The following ITPR1 variants were observed in gnomAD, a reference collection of about 807,000 sequenced individuals.
The protein encoded by ITPR1 is inositol 1,4,5-trisphosphate-gated calcium channel ITPR1.
Under a neutral mutation model 318.4 loss-of-function variants are expected in ITPR1, and 96 were observed. The observed-to-expected ratio is 0.30, with a 90% CI of 0.26 to 0.36. The LOEUF is 0.36. Among genes scored for constraint, ITPR1 ranks in the 10% least tolerant of loss-of-function variants. ITPR1 has a pLI of 1.00. For missense variants in ITPR1, 2,440 were observed against 3,460.2 expected, an observed-to-expected ratio of 0.71 and a Z score of 7.40; for synonymous variants, 1,312 against 1,289.9, an observed-to-expected ratio of 1.02 and a Z score of -0.37.
At chr3:4,770,970 C>T (rs1304587401) in intron 46 of ITPR1, among the ~76,000 whole-genome samples, 1 of 152,154 alleles carries the variant, frequency 6.6e-6, no homozygotes, top group Non-Finnish European at 1.5e-5. Flanking sequence ...CTGAGCTTGG[C>T]ATCTCTGTGG....
At chr3:4,641,601 C>T (rs921349799) in intron 6 of ITPR1, among the ~76,000 whole-genome samples, 1 of 152,164 alleles carries the variant, frequency 6.6e-6, no homozygotes, top group African/African-American at 2.4e-5. Flanking sequence ...GTCTCAAACT[C>T]CTGGGCTCAA....
chr3:4,702,797 G>T (rs989465236), intron 35 of ITPR1, 33 bp from the exon 36 acceptor site: 1 of 1,607,018 alleles, frequency 6.2e-7, no homozygotes, highest in African/African-American at 1.3e-5. Context: ...ATAAAAATCT[G>T]TTTTTCACGT....
At chr3:4,745,754 C>G (rs2044059148) in intron 44 of ITPR1, among the ~76,000 whole-genome samples, 1 of 152,204 alleles carries the variant, frequency 6.6e-6, no homozygotes. Context: ...GCTCAAATCC[C>G]TGATGGGCAT....
chr3:4,657,003 T>C (rs1451550339), intron 12 of ITPR1, among the ~76,000 whole-genome samples: 6 of 152,204 alleles, frequency 3.9e-5, no homozygotes, highest in Non-Finnish European at 8.8e-5. Flanking sequence ...TATGCTTTTT[T>C]AGTTTCTCAG....
At chr3:4,622,675 A>C (rs1246574085) in intron 4 of ITPR1, among the ~76,000 whole-genome samples, 1 of 152,174 alleles carries the variant, frequency 6.6e-6, no homozygotes, top group Non-Finnish European at 1.5e-5. Context: ...GGCCTCCCAA[A>C]GTCCTGGGCT....
chr3:4,801,434 T>C (rs1487644615), intron 54 of ITPR1, among the ~76,000 whole-genome samples: 2 of 151,960 alleles, frequency 1.3e-5, no homozygotes, highest in African/African-American at 4.8e-5. Flanking sequence ...GCTGAAAAGC[T>C]TACAGCGGGG....
chr3:4,784,043 C>T, intron 51 of ITPR1, 123 bp downstream of exon 51: 2 of 696,732 alleles, frequency 2.9e-6, no homozygotes, highest in Non-Finnish European at 2.4e-6. Flanking sequence ...GTACTGTGTG[C>T]TAGGTCCTGG....
chr3:4,548,621 C>T (rs2085256836), intron 4 of ITPR1, among the ~76,000 whole-genome samples: 1 of 152,064 alleles, frequency 6.6e-6, no homozygotes, highest in Admixed American at 6.6e-5. Context: ...TTTCATTGGT[C>T]ACTTCAGTTC....
chr3:4,808,730 C>T (rs567443964), intron 55 of ITPR1, among the ~76,000 whole-genome samples: 3 of 152,286 alleles, frequency 2.0e-5, no homozygotes, highest in African/African-American at 4.8e-5. Flanking sequence ...CAAAAGAAAT[C>T]GGGCTGCCTG....
chr3:4,541,365 A>G (rs2084421179), intron 4 of ITPR1, among the ~76,000 whole-genome samples: 2 of 152,066 alleles, frequency 1.3e-5, no homozygotes, highest in Non-Finnish European at 2.9e-5. Context: ...TTGGTTTAGA[A>G]TTGTAGATTG....
Position 4,811,323 on chromosome 3 carries a change from G to A in ITPR1, c.7331G>A (p.Arg2444His). The change falls in exon 56 of 62, where the codon CGC (arginine) becomes CAC (histidine). Residue 2444 changes from arginine (R) to histidine (H), a missense_variant. By Grantham distance (29) the Arg-to-His change is conservative. Around this residue, in one of 23 missense-constraint regions of ITPR1, gnomAD observed 10 missense variants for 47.2 expected, o/e 0.21. Transcript: ENST00000649015. The part of the protein sequence containing the change: ...TLLNVIKSVT[R>H]NGRSIILTAV... ...CTTAATGTCATTAAAAGTGTCACTCGCAATGGACGGTCCATCATCCTGACA... is the reference window on the plus strand; with the variant it reads ...CTTAATGTCATTAAAAGTGTCACTCACAATGGACGGTCCATCATCCTGACA... 2 of 1,612,998 alleles carry A rather than the reference G, an allele frequency of 1.2e-6. No individual in the cohort carries two copies. The highest frequency in any genetic ancestry group is 1.1e-5 in the South Asian group (1 of 90,886).
chr3:4,743,518 A>G (rs1575093487), intron 44 of ITPR1, among the ~76,000 whole-genome samples: 2 of 152,236 alleles, frequency 1.3e-5, no homozygotes, highest in South Asian at 2.1e-4. Flanking sequence ...ACTTGTCAGC[A>G]TCATTCATCT....
Position 4,847,274 on chromosome 3 carries a change from T to C in ITPR1, c.*1049T>C, listed in dbSNP as rs181501860. The C allele has an allele frequency of 6.5e-6, 1 of 152,738 alleles. No individual in the cohort carries two copies. The highest frequency in any genetic ancestry group is 1.9e-4 in the East Asian group (1 of 5,192). The allele number at this position is 152,738 out of a possible 1,614,324, so 9.5% of individuals were successfully genotyped here. A position where few individuals can be genotyped will look rare whatever the true frequency, so the allele number is the denominator to read the frequency against. On this transcript the variant is annotated 3_prime_UTR_variant, in exon 62 of 62. Coordinates refer to ENST00000649015, the MANE Select transcript of ITPR1 (RefSeq NM_001378452.1). ...ATGTTATTCTTCTGAAAGAGCCACA[T>C]TTTGGTTTTATTTCTTGTCACATGA... is the stretch of plus-strand genomic sequence containing the variant.
chr3:4,731,669 C>T (rs2042935121), intron 42 of ITPR1, among the ~76,000 whole-genome samples: 1 of 152,192 alleles, frequency 6.6e-6, no homozygotes, highest in Admixed American at 6.5e-5. Flanking sequence ...TAAACCCTTT[C>T]TGGGACTTTC....
At chr3:4,502,830 C>A (rs1172035202) in intron 2 of ITPR1, among the ~76,000 whole-genome samples, 1 of 151,976 alleles carries the variant, frequency 6.6e-6, no homozygotes, top group Non-Finnish European at 1.5e-5. Context: ...GCCTGTAATC[C>A]TAGCACTTTG....
chr3:4,652,697 A>G (rs1284136427), intron 11 of ITPR1, among the ~76,000 whole-genome samples: 3 of 152,216 alleles, frequency 2.0e-5, no homozygotes. Flanking sequence ...AGGAATGTCA[A>G]AAATCACGGA....
At chr3:4,825,677 T>G (rs2050025715) in intron 60 of ITPR1, 1 of 454,082 alleles carries the variant, frequency 2.2e-6, no homozygotes, top group South Asian at 1.6e-5. Context: ...GGGCAAAAGA[T>G]CAAAATGGAA....
At chr3:4,681,624 A>AAGT (rs548578427) in intron 26 of ITPR1, among the ~76,000 whole-genome samples, 5 of 145,788 alleles carry the variant, frequency 3.4e-5, no homozygotes, top group East Asian at 2.0e-4. Context: ...AGAGAGAGAA[A>AAGT]GTGTGTGTGT....
At chr3:4,815,970 A>G (rs1264625548) in intron 59 of ITPR1, among the ~76,000 whole-genome samples, 2 of 143,212 alleles carry the variant, frequency 1.4e-5, no homozygotes, top group Non-Finnish European at 3.0e-5. Flanking sequence ...TTAATATTTT[A>G]TCTCATTTGC....
Sources: gnomAD v4.1 joint callset for allele counts (sites outside exome capture counted in the v4.1 genomes callset) on GRCh38, gnomAD v4.1.1 for gene constraint, gnomAD v4.1.1 regional missense constraint, MANE v1.5 for transcripts, NCBI Gene and HGNC (gene_info 2026-07-23, HGNC 2026-07-21) for gene names.